The following NIPA1 variants were observed in gnomAD, a reference collection of about 807,000 sequenced individuals.
NIPA1 encodes the protein NIPA magnesium transporter 1.
NIPA1 carries 13 observed loss-of-function variants against 23.9 expected under a neutral mutation model. The ratio of observed to expected loss-of-function variants is 0.54; its 90% CI spans 0.35 to 0.87. The LOEUF is 0.87. Among genes scored for constraint, NIPA1 ranks in the 40% least tolerant of loss-of-function variants. The pLI is 0.01. For missense variants in NIPA1, 362 were observed against 429.7 expected (o/e 0.84, Z 1.39); for synonymous variants, 234 against 202.9 (o/e 1.15, Z -1.30).
intron 1 of NIPA1, among the ~76,000 whole-genome samples, chr15:22,805,229 C>G (rs1226049426): frequency 6.6e-6 from 1 of 152,118 alleles, no homozygotes; most frequent in Non-Finnish European, 1.5e-5. Flanking sequence ...AAAATAAGTT[C>G]TGCATATCTA....
At chr15:22,803,663 C>G (rs1428156042) in intron 1 of NIPA1, among the ~76,000 whole-genome samples, 2 of 143,540 alleles carry the variant, frequency 1.4e-5, no homozygotes, top group African/African-American at 5.2e-5. Flanking sequence ...CACCTGCTAC[C>G]GGGCCCGGCT....
At chr15:22,813,436 C>T (rs1010431797) in intron 3 of NIPA1, among the ~76,000 whole-genome samples, 2 of 152,134 alleles carry the variant, frequency 1.3e-5, no homozygotes, top group Non-Finnish European at 2.9e-5. Context: ...AGCCATCAAA[C>T]ATTGCAGCTG....
At chr15:22,801,317 G>A (rs979074144) in intron 1 of NIPA1, among the ~76,000 whole-genome samples, 1 of 151,990 alleles carries the variant, frequency 6.6e-6, no homozygotes, top group African/African-American at 2.4e-5. Flanking sequence ...AGCAGAGCAC[G>A]CTAGTACAGG....
At chr15:22,792,250 AAGTC>A (rs1894843598) in intron 1 of NIPA1, among the ~76,000 whole-genome samples, 1 of 152,178 alleles carries the variant, frequency 6.6e-6, no homozygotes, top group Admixed American at 6.5e-5. Flanking sequence ...GATGGGCCCA[AAGTC>A]AGGCTGCGCA....
At chr15:22,801,233 A>G (rs1002082107) in intron 1 of NIPA1, among the ~76,000 whole-genome samples, 43 of 152,148 alleles carry the variant, frequency 2.8e-4, no homozygotes, top group African/African-American at 9.7e-4. Flanking sequence ...CTACTTTTAC[A>G]GGGCATGGAC....
chr15:22,796,252 CTCTT>C (rs1319063867), intron 1 of NIPA1, among the ~76,000 whole-genome samples: 2 of 152,070 alleles, frequency 1.3e-5, no homozygotes, highest in East Asian at 3.9e-4. Flanking sequence ...AGGGACTTAA[CTCTT>C]TATTTAGAAA....
intron 3 of NIPA1, among the ~76,000 whole-genome samples, chr15:22,815,957 G>A (rs1895405953): frequency 6.6e-6 from 1 of 151,952 alleles, no homozygotes; most frequent in South Asian, 2.1e-4. Context: ...CTGACAAAGG[G>A]CCTCTGTCAA....
chr15:22,814,296 C>T (rs1255894322), intron 3 of NIPA1: 6 of 261,788 alleles, frequency 2.3e-5, no homozygotes, highest in South Asian at 4.1e-5. Flanking sequence ...CTCGCTCTGT[C>T]GCCCAGGCTG....
intron 1 of NIPA1, among the ~76,000 whole-genome samples, chr15:22,808,555 GTTCATAA>G (rs1183545334): frequency 1.3e-5 from 2 of 151,936 alleles, no homozygotes; most frequent in Non-Finnish European, 2.9e-5. Context: ...AACTTTTTCT[GTTCATAA>G]TTAATAAGAA....
At position 22,786,653 on chromosome 15, in the gene NIPA1, C is replaced by G; in HGVS notation, c.-4C>G. ...CGCAGGCTCGGAGGGCGGGCGCGGG[C>G]GGAATGGGGACTGCAGCTGCGGCAG... On this transcript the variant is annotated 5_prime_UTR_variant, in exon 1 of 5. Transcript: ENST00000337435. 2 of 1,026,440 alleles carry G rather than the reference C, an allele frequency of 1.9e-6. No homozygotes were observed. The highest frequency in any genetic ancestry group is 2.3e-6 in the Non-Finnish European group (2 of 851,666). The allele number at this position is 1,026,440 out of a possible 1,614,324, so 63.6% of individuals were successfully genotyped here. A position where few individuals can be genotyped will look rare whatever the true frequency, so the allele number is the denominator to read the frequency against.
At position 22,826,082 on chromosome 15, in the gene NIPA1, A is replaced by AG. The variant is rs1375759947; in HGVS notation, c.*1843_*1844insG. On this transcript the variant is annotated 3_prime_UTR_variant, in exon 5 of 5. Coordinates refer to ENST00000337435, the MANE Select transcript of NIPA1 (RefSeq NM_144599.5). The stretch of plus-strand genomic sequence containing the variant: ...CAATTAAAGTTCCTCAGTAAGAAAA[A>AG]AAATGTGTTTTTGTAGGCAAAAAGA... 6.6e-6 allele frequency: 1 copy of AG among 152,102 alleles called. No homozygotes were observed. Among genetic ancestry groups the AG allele is most frequent in the African/African-American group, 2.4e-5 (1 of 41,394 alleles). 9.4% of individuals were successfully genotyped at this position (152,102 alleles called of 1,614,324 possible). A position where few individuals can be genotyped will look rare whatever the true frequency, so the allele number is the denominator to read the frequency against.
chr15:22,797,153 C>T (rs1292997287), intron 1 of NIPA1, among the ~76,000 whole-genome samples: 3 of 151,606 alleles, frequency 2.0e-5, no homozygotes, highest in African/African-American at 4.9e-5. Context: ...GATTCTTGTG[C>T]CTCAGCCTCC....
chr15:22,794,947 C>G (rs1894911217), intron 1 of NIPA1, among the ~76,000 whole-genome samples: 1 of 152,130 alleles, frequency 6.6e-6, no homozygotes, highest in South Asian at 2.1e-4. Context: ...CCCCCCATCC[C>G]AGCTCTTCCA....
intron 1 of NIPA1, among the ~76,000 whole-genome samples, chr15:22,795,958 G>A (rs886345477): frequency 2.0e-5 from 3 of 151,944 alleles, no homozygotes; most frequent in Non-Finnish European, 4.4e-5. Flanking sequence ...TTAAGACAGG[G>A]TCTTTTTCCG....
rs1895631887 is a variant in NIPA1 at position 22,825,474 on chromosome 15, GGT to G, written c.*1236_*1237del. On this transcript the variant is annotated 3_prime_UTR_variant, in exon 5 of 5. Transcript: ENST00000337435. ...AAGACAGTTGATTTAAGTAGCATGA[GGT>G]ATTATTTTATTTGTATTCGATCTGT... 2.0e-5 allele frequency: 3 copies of G among 152,114 alleles called. No homozygotes were observed. Among genetic ancestry groups the G allele is most frequent in the Admixed American group, 2.0e-4 (3 of 15,278 alleles). 9.4% of individuals were successfully genotyped at this position (152,114 alleles called of 1,614,324 possible).
At position 22,823,912 on chromosome 15, in the gene NIPA1, G is replaced by A. The variant is rs758044464; in HGVS notation, c.663G>A (p.Pro221=). 26 of 1,614,048 alleles carry A rather than the reference G, an allele frequency of 1.6e-5. No individual in the cohort carries two copies. The highest frequency in any genetic ancestry group is 4.5e-5 in the East Asian group (2 of 44,896). Residue 221 remains proline (P), a synonymous_variant, in exon 5 of 5, where the codon CCG becomes CCA. Transcript: ENST00000337435. ...CCCAAGACATCTTGCATAACAACCC[G>A]TCCAGTCAGAGAGCCCTCTGCCTGT... ...LAAQDILHNN[P]SSQRALCLCL... is the part of the protein sequence containing the mutation.
upstream of NIPA1, among the ~76,000 whole-genome samples, chr15:22,786,466 G>C (rs1319615190): frequency 8.0e-5 from 12 of 150,664 alleles, no homozygotes; most frequent in Admixed American, 1.3e-4. Context: ...CTGCCGCCGC[G>C]TCCGGCGCCA....
chr15:22,811,053 G>A (rs1486810432), intron 2 of NIPA1: 6 of 527,266 alleles, frequency 1.1e-5, no homozygotes, highest in Middle Eastern at 5.2e-4. Context: ...TGCTGCCCAC[G>A]ATTAGCCGTG....
chr15:22,790,336 TG>T (rs947646369), intron 1 of NIPA1, among the ~76,000 whole-genome samples: 14 of 151,984 alleles, frequency 9.2e-5, no homozygotes, highest in Admixed American at 5.2e-4. Flanking sequence ...TTTTTGTTTT[TG>T]TTTTGTTTTT....
Sources: gnomAD v4.1 joint callset for allele counts (sites outside exome capture counted in the v4.1 genomes callset) on GRCh38, gnomAD v4.1.1 for gene constraint, MANE v1.5 for transcripts, NCBI Gene and HGNC (gene_info 2026-07-23, HGNC 2026-07-21) for gene names.